The following PPP2R3B variants were observed in gnomAD, a reference collection of about 807,000 sequenced individuals.
PPP2R3B encodes the protein protein phosphatase 2 regulatory subunit B''beta.
A neutral mutation model predicts 72.9 loss-of-function variants in PPP2R3B; 68 were observed. The observed-to-expected ratio is 0.93, with a 90% CI of 0.77 to 1.14. PPP2R3B has a LOEUF of 1.14. Ranked by LOEUF, PPP2R3B falls within the 50% of genes most tolerant of loss-of-function variation. The pLI, the probability that PPP2R3B is intolerant of heterozygous loss-of-function variation, is 0.00. For synonymous variants in PPP2R3B, 466 were observed against 375.8 expected (o/e 1.24, Z -2.78); for missense variants, 1,018 against 842.0 (o/e 1.21, Z -2.59).
At chrX:334,872 A>C in intron 12 of PPP2R3B, 2 of 240,794 alleles carry the variant, frequency 8.3e-6, no homozygotes, top group Non-Finnish European at 1.6e-5. Flanking sequence ...TGGAGAACAA[A>C]CAGGACCACA....
chrX:375,666 G>A (rs1459990133), intron 1 of PPP2R3B, among the ~76,000 whole-genome samples: 4 of 152,188 alleles, frequency 2.6e-5, no homozygotes, highest in African/African-American at 4.8e-5. Flanking sequence ...ACACACGGAC[G>A]GCCTCCCAAA....
chrX:361,231 C>G (rs1270239286), intron 2 of PPP2R3B, 174 bp downstream of exon 2: 2 of 223,098 alleles, frequency 9.0e-6, no homozygotes, highest in Non-Finnish European at 1.5e-5. Context: ...CAGACCACAA[C>G]TATAACCTCA....
At chrX:372,356 C>T (rs1365811555) in intron 1 of PPP2R3B, among the ~76,000 whole-genome samples, 1 of 152,182 alleles carries the variant, frequency 6.6e-6, no homozygotes, top group Non-Finnish European at 1.5e-5. Flanking sequence ...GTCTTCCTCC[C>T]CCTTCAAGCA....
At chrX:378,127 TGCGAGGCCTGTTTTCA>T (rs764178715) in intron 1 of PPP2R3B, among the ~76,000 whole-genome samples, 115 of 152,332 alleles carry the variant, frequency 7.5e-4, no homozygotes, top group African/African-American at 2.7e-3. Flanking sequence ...GCACGGAATC[TGCGAGGCCTGTTTTCA>T]GCCTGTTCCC....
intron 10 of PPP2R3B, 74 bp from the exon 11 acceptor site, chrX:338,970 G>T (rs189052580): frequency 1.6e-6 from 2 of 1,241,484 alleles, no homozygotes; most frequent in African/African-American, 3.0e-5. Flanking sequence ...GGGTGCGCGC[G>T]TCCTGTCACA....
Position 334,412 on chromosome X carries a change from G to A in PPP2R3B, c.1683C>T (p.Asp561=). The A allele has an allele frequency of 1.3e-6, 2 of 1,591,070 alleles. No individual in the cohort carries two copies. Among genetic ancestry groups the A allele is most frequent in the Non-Finnish European group, 1.7e-6 (2 of 1,174,570 alleles). Residue 561 remains aspartate (D), a synonymous_variant, in exon 13 of 13, where the codon GAC becomes GAT. Coordinates refer to ENST00000390665, the MANE Select transcript of PPP2R3B (RefSeq NM_013239.5). ...FEAPSPLGAV[D]LYEYACGDED... Reference sequence around the variant, plus strand: ...CGTCCCCGCATGCGTACTCGTACAGGTCCACGGCGCCCAGCGGTGAGGGCG... The same window carrying A: ...CGTCCCCGCATGCGTACTCGTACAGATCCACGGCGCCCAGCGGTGAGGGCG...
intron 12 of PPP2R3B, 113 bp from the exon 13 acceptor site, chrX:334,630 G>A (rs1171478575): frequency 2.0e-5 from 25 of 1,229,646 alleles, no homozygotes; most frequent in Non-Finnish European, 2.4e-5. Flanking sequence ...ACAGTCCCCT[G>A]AGCCGACCTT....
intron 1 of PPP2R3B, among the ~76,000 whole-genome samples, chrX:378,658 G>A (rs1400935218): frequency 2.0e-5 from 3 of 151,952 alleles, no homozygotes; most frequent in East Asian, 1.9e-4. Context: ...CTCAGGAAAC[G>A]GCATGGTTCT....
At chrX:349,182 G>C (rs1227788501) in intron 2 of PPP2R3B, among the ~76,000 whole-genome samples, 2 of 152,048 alleles carry the variant, frequency 1.3e-5, no homozygotes, top group African/African-American at 4.8e-5. Flanking sequence ...GGGAGGTGGG[G>C]CCTCATGAAT....
In PPP2R3B at chrX:364,839, CACCACT is replaced by C. The variant is rs2071668821; in HGVS notation, c.325-3255_325-3250del. On this transcript the variant is annotated intron_variant, in intron 1 of 12. Coordinates refer to ENST00000390665, the MANE Select transcript of PPP2R3B (RefSeq NM_013239.5). ...CGGAGGTTGCAGTGAGCTGAGATCG[CACCACT>C]GCACTCCAGCCTGGGCGACAGAGTG... Among the ~76,000 whole-genome samples the C allele has an allele frequency of 8.8e-5, 4 of 45,376 alleles. 1 individual carries two copies. The highest frequency in any genetic ancestry group is 6.8e-4 in the African/African-American group (4 of 5,914). The allele number at this position is 45,376 out of a possible 152,430, so 29.8% of individuals were successfully genotyped here. A position where few individuals can be genotyped will look rare whatever the true frequency, so the allele number is the denominator to read the frequency against.
At chrX:336,194 A>G (rs959602237) in intron 12 of PPP2R3B, 9 of 151,826 alleles carry the variant, frequency 5.9e-5, no homozygotes, top group African/African-American at 2.2e-4. Flanking sequence ...TACTACAGAT[A>G]ATCTCTGCAA....
At chrX:378,755 C>T (rs2072052940) in intron 1 of PPP2R3B, among the ~76,000 whole-genome samples, 1 of 152,004 alleles carries the variant, frequency 6.6e-6, no homozygotes, top group Admixed American at 6.6e-5. Context: ...GAAGGGTTTT[C>T]GACACCTTCC....
intron 1 of PPP2R3B, among the ~76,000 whole-genome samples, chrX:385,146 G>T (rs1223856300): frequency 6.6e-6 from 1 of 151,830 alleles, no homozygotes; most frequent in Admixed American, 6.6e-5. Context: ...CCGCTCCAAG[G>T]TGAACTCGGG....
At chrX:334,793 G>A (rs1023245585) in intron 12 of PPP2R3B, 30 of 394,146 alleles carry the variant, frequency 7.6e-5, no homozygotes, top group Middle Eastern at 6.5e-4. Flanking sequence ...CTGGGCGGGC[G>A]CGCCTCTTCC....
chrX:334,178 C>G lies in PPP2R3B; in HGVS notation c.*189G>C. ...ATTCACGCGCGGCCCTACGTGTCCC[C>G]CTGGCACAGAGCTCTGGGCAGGTCC... On this transcript the variant is annotated 3_prime_UTR_variant, in exon 13 of 13. Coordinates refer to ENST00000390665, the MANE Select transcript of PPP2R3B (RefSeq NM_013239.5). The G allele has an allele frequency of 1.6e-6, 1 of 610,598 alleles. No homozygotes were observed. Among genetic ancestry groups the G allele is most frequent in the South Asian group, 3.3e-5 (1 of 30,616 alleles). The allele number at this position is 610,598 out of a possible 1,614,324, so 37.8% of individuals were successfully genotyped here. A position where few individuals can be genotyped will look rare whatever the true frequency, so the allele number is the denominator to read the frequency against.
chrX:347,504 C>T, intron 3 of PPP2R3B, 86 bp downstream of exon 3: 1 of 1,448,836 alleles, frequency 6.9e-7, no homozygotes, highest in Non-Finnish European at 9.5e-7. Context: ...CTGCGGCAGC[C>T]TCAGGGGGCA....
chrX:338,779 C>T lies in PPP2R3B; in HGVS notation c.1469G>A (p.Arg490Lys). 1.2e-6 allele frequency: 2 copies of T among 1,612,276 alleles called. No individual in the cohort carries two copies. The highest frequency in any genetic ancestry group is 1.7e-6 in the Non-Finnish European group (2 of 1,179,556). ...GGCCCGCGTGCCCGCCGCACTCACCCTGAGCAGGGAGATCTGCTCTTTCTG... is the reference window on the plus strand; with the variant it reads ...GGCCCGCGTGCCCGCCGCACTCACCTTGAGCAGGGAGATCTGCTCTTTCTG... Reference protein sequence around the residue: ...HEQKEQISLLRDGDSGGPELS... With the variant: ...HEQKEQISLLKDGDSGGPELS... Residue 490 changes from arginine to lysine, a missense_variant and splice_region_variant, in exon 11 of 13, where the codon AGG (arginine) becomes AAG (lysine). Arg to Lys is a conservative substitution (Grantham distance 26). Coordinates refer to ENST00000390665, the MANE Select transcript of PPP2R3B (RefSeq NM_013239.5).
intron 1 of PPP2R3B, among the ~76,000 whole-genome samples, chrX:381,591 ATCTTTTTT>A (rs1384571081): frequency 7.5e-6 from 1 of 132,472 alleles, no homozygotes; most frequent in Non-Finnish European, 1.6e-5. Flanking sequence ...GAACAAGCTC[ATCTTTTTT>A]TTTTTTTTTT....
At chrX:350,601 C>T (rs1008912209) in intron 2 of PPP2R3B, among the ~76,000 whole-genome samples, 23 of 152,206 alleles carry the variant, frequency 1.5e-4, no homozygotes, top group African/African-American at 5.1e-4. Flanking sequence ...CAAGGGGAAG[C>T]GCCCAGCACT....
Sources: gnomAD v4.1 joint callset for allele counts (sites outside exome capture counted in the v4.1 genomes callset) on GRCh38, gnomAD v4.1.1 for gene constraint, MANE v1.5 for transcripts, NCBI Gene and HGNC (gene_info 2026-07-23, HGNC 2026-07-21) for gene names.